The following DNAH8 variants were observed in gnomAD, a reference collection of about 807,000 sequenced individuals.
DNAH8 encodes dynein axonemal heavy chain 8.
DNAH8 carries 382 observed loss-of-function variants against 562.1 expected under a neutral mutation model. The ratio of observed to expected loss-of-function variants is 0.68; its 90% CI spans 0.63 to 0.74. The LOEUF (loss-of-function observed/expected upper bound fraction) is 0.74, where lower values mean the gene tolerates loss of function less well. DNAH8 is among the 30% of genes least tolerant of loss of function. DNAH8 has a pLI of 0.00. For synonymous variants in DNAH8, 1,881 were observed against 1,919.4 expected, an observed-to-expected ratio of 0.98 and a Z score of 0.52; for missense variants, 5,203 against 5,620.4, an observed-to-expected ratio of 0.93 and a Z score of 2.37.
chr6:38,959,906 C>A (rs1390043418), intron 82 of DNAH8, among the ~76,000 whole-genome samples: 2 of 151,954 alleles, frequency 1.3e-5, no homozygotes, highest in African/African-American at 4.8e-5. Flanking sequence ...ATGGTAGTGG[C>A]ATAAAACCAG....
At chr6:38,967,984 A>G (rs1157982054) in intron 82 of DNAH8, among the ~76,000 whole-genome samples, 1 of 152,186 alleles carries the variant, frequency 6.6e-6, no homozygotes, top group South Asian at 2.1e-4. Flanking sequence ...AAATAAACCC[A>G]GCCCTCACAT....
chr6:38,764,233 A>T (rs1358859963), intron 11 of DNAH8: 1 of 154,212 alleles, frequency 6.5e-6, no homozygotes, highest in Non-Finnish European at 1.5e-5. Context: ...CTTGTGTGTG[A>T]CAAGCATCTA....
intron 9 of DNAH8, among the ~76,000 whole-genome samples, chr6:38,751,154 G>A (rs762167863): frequency 2.0e-5 from 3 of 152,152 alleles, no homozygotes; most frequent in African/African-American, 4.8e-5. Flanking sequence ...CAGGCTAAGT[G>A]GGGGAGGCTG....
chr6:38,977,944 T>C lies in DNAH8; in HGVS notation c.12834+3415T>C, dbSNP rs574712186. On this transcript the variant is annotated intron_variant, in intron 85 of 92. Coordinates refer to ENST00000327475, the MANE Select transcript of DNAH8 (RefSeq NM_001206927.2). ...GCCAAAAGGAAGGAGCTCAGTCTTT[T>C]TAAAAACTTCCAAGTGATCCTGATA... is the stretch of plus-strand genomic sequence containing the variant. Among the ~76,000 whole-genome samples the C allele has an allele frequency of 3.3e-5, 5 of 152,332 alleles. No individual in the cohort carries two copies. The South Asian group carries it at 8.3e-4, about 25-fold the overall frequency.
chr6:38,825,188 A>G (rs1431981157), intron 28 of DNAH8, among the ~76,000 whole-genome samples: 2 of 152,132 alleles, frequency 1.3e-5, no homozygotes, highest in Non-Finnish European at 2.9e-5. Flanking sequence ...CTCATGAGAT[A>G]TGATCTCACA....
chr6:38,829,201 G>C (rs1773621895), intron 30 of DNAH8, among the ~76,000 whole-genome samples: 1 of 151,962 alleles, frequency 6.6e-6, no homozygotes, highest in Non-Finnish European at 1.5e-5. Flanking sequence ...TTTTACTTTT[G>C]AGTTGTAAGA....
At chr6:38,939,562 A>G (rs749477951) in intron 79 of DNAH8, among the ~76,000 whole-genome samples, 3 of 152,234 alleles carry the variant, frequency 2.0e-5, no homozygotes, top group Non-Finnish European at 4.4e-5. Context: ...CAGAATGGGG[A>G]TAAAGATAAT....
At chr6:38,973,485 C>T (rs1279984690) in intron 83 of DNAH8, among the ~76,000 whole-genome samples, 176 bp from the exon 84 acceptor site, 2 of 152,188 alleles carry the variant, frequency 1.3e-5, no homozygotes, top group Non-Finnish European at 1.5e-5. Flanking sequence ...AAGTAATTAG[C>T]TTGTACCAAT....
At chr6:39,020,238 G>A (rs1249421476) in intron 91 of DNAH8, among the ~76,000 whole-genome samples, 7 of 152,180 alleles carry the variant, frequency 4.6e-5, no homozygotes, top group Non-Finnish European at 7.3e-5. Flanking sequence ...TGTGTCTCAA[G>A]GGGCCCTGGA....
chr6:38,830,840 C>T (rs1040035275), intron 30 of DNAH8, among the ~76,000 whole-genome samples: 1 of 152,158 alleles, frequency 6.6e-6, no homozygotes, highest in African/African-American at 2.4e-5. Context: ...TATAGCTCCA[C>T]TACCAGTCAA....
intron 62 of DNAH8, among the ~76,000 whole-genome samples, chr6:38,901,297 C>T (rs144693585): frequency 0.01 from 1,577 of 152,204 alleles, 25 homozygotes; most frequent in South Asian, 0.04. Flanking sequence ...ATTTTCTTCA[C>T]ATTTACACAT....
chr6:38,760,460 C>CTT (rs11391110), intron 10 of DNAH8, among the ~76,000 whole-genome samples: 13 of 148,792 alleles, frequency 8.7e-5, no homozygotes, highest in Non-Finnish European at 1.0e-4. Flanking sequence ...AAATCTCAAA[C>CTT]TTTTTTTTTT....
At chr6:38,756,669 C>A (rs1738183) in intron 10 of DNAH8, among the ~76,000 whole-genome samples, 6 of 140,678 alleles carry the variant, frequency 4.3e-5, no homozygotes, top group East Asian at 2.1e-4. Flanking sequence ...ATCCCTCCCC[C>A]CTCCCTCCAC....
intron 88 of DNAH8, among the ~76,000 whole-genome samples, chr6:39,001,480 C>G (rs1392986151): frequency 6.6e-6 from 1 of 151,922 alleles, no homozygotes; most frequent in Non-Finnish European, 1.5e-5. Context: ...ATATTAATAG[C>G]TAGTTAGGAA....
intron 68 of DNAH8, 21 bp downstream of exon 68, chr6:38,915,398 C>A (rs62398574): frequency 6.6e-7 from 1 of 1,508,000 alleles, no homozygotes; most frequent in Non-Finnish European, 8.8e-7. Context: ...CATTGTTACC[C>A]CTTCCAACAC....
chr6:38,915,808 A>G (rs1436638563), intron 68 of DNAH8, among the ~76,000 whole-genome samples: 1 of 152,058 alleles, frequency 6.6e-6, no homozygotes, highest in Admixed American at 6.6e-5. Flanking sequence ...GGAGGCAGGC[A>G]GACCTGCATT....
chr6:38,901,492 T>A (rs1370475605), intron 62 of DNAH8, among the ~76,000 whole-genome samples: 1 of 152,198 alleles, frequency 6.6e-6, no homozygotes, highest in South Asian at 2.1e-4. Flanking sequence ...AGTCATCTGA[T>A]CATATATGTG....
chr6:38,792,965 A>G (rs1260265985), intron 21 of DNAH8, among the ~76,000 whole-genome samples: 2 of 151,946 alleles, frequency 1.3e-5, no homozygotes, highest in Admixed American at 1.3e-4. Flanking sequence ...TTTTTTTTGT[A>G]GAGACAGGGT....
At chr6:38,715,960 A>ATATATATTTTTTTTTT (rs1372342002) in intron 1 of DNAH8, among the ~76,000 whole-genome samples, 1 of 23,626 alleles carries the variant, frequency 4.2e-5, no homozygotes, top group Admixed American at 6.7e-4. Context: ...ATATATATAT[A>ATATATATTTTTTTTTT]TTTTTTTTTT....
Sources: allele counts gnomAD v4.1 joint callset (sites outside exome capture counted in the v4.1 genomes callset), GRCh38; gene constraint gnomAD v4.1.1; transcripts MANE v1.5; gene names NCBI Gene and HGNC (gene_info 2026-07-23, HGNC 2026-07-21).